The following HSPA9 variants were observed in gnomAD, a reference collection of about 807,000 sequenced individuals.
The protein encoded by HSPA9 is stress-70 protein, mitochondrial.
A neutral mutation model predicts 81.5 loss-of-function variants in HSPA9; 28 were observed. The observed-to-expected ratio is 0.34, with a 90% confidence interval of 0.25 to 0.47. HSPA9 has a LOEUF of 0.47. HSPA9 is among the 20% of genes least tolerant of loss of function. The pLI is 1.00. For missense variants in HSPA9, 678 were observed against 838.0 expected (o/e 0.81, Z 2.36); for synonymous variants, 293 against 290.4 (o/e 1.01, Z -0.09).
intron 10 of HSPA9, chr5:138,560,878 C>T (rs751947706): frequency 1.4e-5 from 6 of 429,888 alleles, no homozygotes; most frequent in South Asian, 8.5e-5. Flanking sequence ...GAGGCATCCA[C>T]CTGGTCCAGG....
At chr5:138,571,245 A>G (rs1220413932) in intron 3 of HSPA9, 104 bp from the exon 4 acceptor site, 1 of 1,187,370 alleles carries the variant, frequency 8.4e-7, no homozygotes, top group South Asian at 1.3e-5. Context: ...CAATGGCACA[A>G]TCTTGGCTCA....
intron 4 of HSPA9, 94 bp downstream of exon 4, chr5:138,570,866 A>G (rs1750868115): frequency 1.9e-6 from 2 of 1,048,452 alleles, no homozygotes; most frequent in Non-Finnish European, 3.0e-6. Context: ...TACTAAAGTA[A>G]GGTGCTCCAG....
At chr5:138,569,769 G>A (rs1032710805) in intron 4 of HSPA9, among the ~76,000 whole-genome samples, 1 of 152,104 alleles carries the variant, frequency 6.6e-6, no homozygotes, top group Non-Finnish European at 1.5e-5. Flanking sequence ...TGGCCTAGAT[G>A]GTCTTAAACT....
chr5:138,559,849 A>C lies in HSPA9; in HGVS notation c.1410+15T>G, dbSNP rs144313015. The C allele has an allele frequency of 7.6e-4, 1,159 of 1,530,436 alleles. 10 individuals are homozygous for C. The African/African-American group carries it at 0.013, about 18-fold the overall frequency. 94.8% of individuals were successfully genotyped at this position (1,530,436 alleles called of 1,614,324 possible). ...CTAAAACCCATGTGACAAGGTAGGA[A>C]GTGATGGCTCTTACCTGGCTCTTCT... On this transcript the variant is annotated intron_variant, in intron 11 of 16. Coordinates refer to ENST00000297185, the MANE Select transcript of HSPA9 (RefSeq NM_004134.7).
At chr5:138,573,735 T>G in intron 3 of HSPA9, 28 bp downstream of exon 3, 1 of 1,370,388 alleles carries the variant, frequency 7.3e-7, no homozygotes, top group East Asian at 2.3e-5. Context: ...AGATTCTGGA[T>G]AAGGTACTAG....
In HSPA9 at chr5:138,567,579, A is replaced by G; in HGVS notation, c.610-18T>C. ...TTAGTGGCCTAGAGAAAACAAAGAG[A>G]AAAACATTTTTGTACCCTTCCATCC... On this transcript the variant is annotated intron_variant, in intron 6 of 16. Transcript: ENST00000297185. 1 of 1,611,946 alleles carries G rather than the reference A, an allele frequency of 6.2e-7. No individual in the cohort carries two copies. Among genetic ancestry groups the G allele is most frequent in the Non-Finnish European group, 8.5e-7 (1 of 1,178,002 alleles).
chr5:138,558,728 G>A, intron 11 of HSPA9, 71 bp from the exon 12 acceptor site: 2 of 984,818 alleles, frequency 2.0e-6, no homozygotes, highest in African/African-American at 1.6e-5. Flanking sequence ...AAAAATGAAA[G>A]CCAAAGGTTT....
At chr5:138,556,322 G>A in intron 16 of HSPA9, 130 bp downstream of exon 16, 1 of 1,229,522 alleles carries the variant, frequency 8.1e-7, no homozygotes, top group South Asian at 1.2e-5. Flanking sequence ...AAGACGGCAG[G>A]AGACTATCTC....
At chr5:138,560,678 A>G in intron 10 of HSPA9, 1 of 221,010 alleles carries the variant, frequency 4.5e-6, no homozygotes, top group Admixed American at 5.3e-5. Context: ...CTCCTACCTC[A>G]GCCTCCCAAG....
Position 138,567,547 on chromosome 5 carries a change from A to G in HSPA9, c.624T>C (p.Ala208=). 6.2e-7 allele frequency: 1 copy of G among 1,613,946 alleles called. No individual in the cohort carries two copies. The highest frequency in any genetic ancestry group is 8.5e-7 in the Non-Finnish European group (1 of 1,179,776). ...NDSQRQATKD[A]GQISGLNVLR... ...GCACATTCAGTCCAGATATCTGGCC[A>G]GCATCTTTAGTGGCCTAGAGAAAAC... The change falls in exon 7 of 17, where the codon GCT becomes GCC. Residue 208 remains alanine, a synonymous_variant. Coordinates refer to ENST00000297185, the MANE Select transcript of HSPA9 (RefSeq NM_004134.7).
At chr5:138,567,308 A>G (rs1452976764) in intron 7 of HSPA9, 145 bp from the exon 8 acceptor site, 2 of 988,218 alleles carry the variant, frequency 2.0e-6, no homozygotes, top group African/African-American at 3.3e-5. Context: ...GGCCCAAAAG[A>G]AAAGAAAAGA....
Position 138,566,702 on chromosome 5 carries a change from G to A in HSPA9, c.896C>T (p.Thr299Ile), listed in dbSNP as rs1750771815. The change falls in exon 9 of 17, where the codon ACT (threonine) becomes ATT (isoleucine). Residue 299 changes from threonine to isoleucine, a missense_variant. Transcript: ENST00000297185. The stretch of plus-strand genomic sequence containing the variant: ...CCTCTGAAGTGCCATGTTGTCTTTA[G>A]TCAAATCAACCCCTGTCTATAAAGT... The part of the protein sequence containing the change: ...EFKRETGVDL[T>I]KDNMALQRVR... 6.2e-7 allele frequency: 1 copy of A among 1,613,574 alleles called. No individual in the cohort carries two copies. Among genetic ancestry groups the A allele is most frequent in the Middle Eastern group, 1.7e-4 (1 of 6,060 alleles).
rs1750869231 is a variant in HSPA9, at chr5:138,570,949, C to T, written c.410+11G>A. 1 of 1,613,652 alleles carries T rather than the reference C, an allele frequency of 6.2e-7. No homozygotes were observed. The highest frequency in any genetic ancestry group is 1.3e-5 in the African/African-American group (1 of 74,890). On this transcript the variant is annotated intron_variant, in intron 4 of 16. Coordinates refer to ENST00000297185, the MANE Select transcript of HSPA9 (RefSeq NM_004134.7). The stretch of plus-strand genomic sequence containing the variant: ...AACTGCTTTTTGCAAAAAACTTTTG[C>T]TGTTACTCACATGTCTTTCTGTACT...
At chr5:138,560,561 CTTCT>C (rs1220726172) in intron 10 of HSPA9, among the ~76,000 whole-genome samples, 14 of 127,360 alleles carry the variant, frequency 1.1e-4, no homozygotes, top group East Asian at 9.0e-4. Context: ...ACTTTTTCTT[CTTCT>C]TTTTTTTTTT....
At chr5:138,564,396 G>A (rs775847282) in intron 9 of HSPA9, among the ~76,000 whole-genome samples, 2 of 152,154 alleles carry the variant, frequency 1.3e-5, no homozygotes, top group African/African-American at 2.4e-5. Context: ...GAGCCACTGC[G>A]TGCGGCCCCT....
Position 138,553,816 on chromosome 5 carries a change from G to A in HSPA9, c.*2221C>T, listed in dbSNP as rs255997. 0.017 allele frequency among the ~76,000 whole-genome samples: 2,526 copies of A among 152,208 alleles called. 23 individuals carry two copies. The highest frequency in any genetic ancestry group is 0.024 in the Middle Eastern group (7 of 294). ...GTTTAGCCATTGATGCCATTTAACG[G>A]GTTAAACATTTGTCTCTCTCCAGAA... On this transcript the variant is annotated 3_prime_UTR_variant, in exon 17 of 17. Transcript: ENST00000297185.
Position 138,561,150 on chromosome 5 carries a change from A to G in HSPA9, c.1182+430T>C, listed in dbSNP as rs373838297. On this transcript the variant is annotated intron_variant, in intron 10 of 16. Coordinates refer to ENST00000297185, the MANE Select transcript of HSPA9 (RefSeq NM_004134.7). ...GAGATGCACTAAGCTGCAAAGACAC[A>G]TGTACAAAGATGGTGGCCGGGGGCG... 2,269 of 449,738 alleles carry G rather than the reference A, an allele frequency of 5.0e-3. 11 individuals are homozygous for G. Among genetic ancestry groups the G allele is most frequent in the Non-Finnish European group, 7.0e-3 (1,503 of 214,322 alleles). The allele number at this position is 449,738 out of a possible 1,614,324, so 27.9% of individuals were successfully genotyped here.
At chr5:138,568,088 G>A (rs1750803327) in intron 5 of HSPA9, among the ~76,000 whole-genome samples, 1 of 152,180 alleles carries the variant, frequency 6.6e-6, no homozygotes, top group African/African-American at 2.4e-5. Context: ...AGGAGGCTGA[G>A]GCGGGAGAAT....
intron 9 of HSPA9, among the ~76,000 whole-genome samples, chr5:138,566,324 G>A (rs1750759188): frequency 6.6e-6 from 1 of 151,776 alleles, no homozygotes; most frequent in African/African-American, 2.4e-5. Flanking sequence ...GCCAGAGCAG[G>A]TTTTAAAATA....
Sources: gnomAD v4.1 joint callset for allele counts (sites outside exome capture counted in the v4.1 genomes callset) on GRCh38, gnomAD v4.1.1 for gene constraint, MANE v1.5 for transcripts, NCBI Gene and HGNC (gene_info 2026-07-23, HGNC 2026-07-21) for gene names.